BMF: variants seen among roughly 807,000 people sequenced by gnomAD.
BMF encodes Bcl2 modifying factor, also known as bcl-2-modifying factor.
BMF carries 10 observed loss-of-function variants against 22.0 expected under a neutral mutation model. That is an observed-to-expected ratio of 0.45 (90% CI 0.28 to 0.77). BMF has a LOEUF of 0.77. BMF is among the 30% of genes least tolerant of loss of function. The pLI is 0.13. For missense variants in BMF, 206 were observed against 226.8 expected, an observed-to-expected ratio of 0.91 and a Z score of 0.59; for synonymous variants, 87 against 88.1, an observed-to-expected ratio of 0.99 and a Z score of 0.07.
Position 40,105,973 on chromosome 15 carries a change from G to A in BMF, c.114C>T (p.Ser38=), listed in dbSNP as rs2036579725. The part of the protein sequence containing the change: ...SLLSADLFAQ[S]LLDCPLSRLQ... Reference sequence around the variant, plus strand: ...GTCGGCTGAGGGGGCAGTCCAGTAGGCTCTGGGCAAACAGGTCAGCAGAGA... The same window carrying A: ...GTCGGCTGAGGGGGCAGTCCAGTAGACTCTGGGCAAACAGGTCAGCAGAGA... Residue 38 remains serine, a synonymous_variant, in exon 3 of 5, where the codon AGC becomes AGT. Coordinates refer to ENST00000354670, the MANE Select transcript of BMF (RefSeq NM_001003940.2). The A allele has an allele frequency of 1.2e-6, 2 of 1,614,100 alleles. No individual in the cohort carries two copies. The highest frequency in any genetic ancestry group is 1.7e-6 in the Non-Finnish European group (2 of 1,180,028).
chr15:40,104,122 G>C, intron 4 of BMF, 58 bp downstream of exon 4: 1 of 1,598,742 alleles, frequency 6.3e-7, no homozygotes, highest in Non-Finnish European at 8.6e-7. Flanking sequence ...AGAGAGGCAG[G>C]CCCTGGCCCC....
chr15:40,095,274 A>T (rs1344135552), intron 4 of BMF, among the ~76,000 whole-genome samples: 1 of 152,214 alleles, frequency 6.6e-6, no homozygotes, highest in Non-Finnish European at 1.5e-5. Flanking sequence ...AATAAATAAA[A>T]TTTTTCCTAA....
At chr15:40,104,475 A>G (rs754360347) in intron 3 of BMF, 135 bp from the exon 4 acceptor site, 17 of 1,136,894 alleles carry the variant, frequency 1.5e-5, no homozygotes, top group African/African-American at 3.1e-5. Flanking sequence ...GCCTGCCTCT[A>G]TTGGAGCACT....
At chr15:40,095,905 A>G (rs2036349564) in intron 4 of BMF, among the ~76,000 whole-genome samples, 1 of 152,144 alleles carries the variant, frequency 6.6e-6, no homozygotes, top group African/African-American at 2.4e-5. Flanking sequence ...AAATGTTTCA[A>G]TCCCTACTGT....
intron 4 of BMF, among the ~76,000 whole-genome samples, chr15:40,103,729 C>G (rs1246859863): frequency 1.3e-5 from 2 of 152,224 alleles, no homozygotes; most frequent in Non-Finnish European, 2.9e-5. Flanking sequence ...ACCACTTTCC[C>G]CAACTCAGGC....
intron 2 of BMF, among the ~76,000 whole-genome samples, chr15:40,107,019 G>C (rs1380660245): frequency 6.6e-6 from 1 of 152,292 alleles, no homozygotes; most frequent in Non-Finnish European, 1.5e-5. Context: ...CTCACTCACT[G>C]CCTATACTGC....
At chr15:40,093,188 G>A (rs2036281013) in intron 4 of BMF, among the ~76,000 whole-genome samples, 1 of 152,190 alleles carries the variant, frequency 6.6e-6, no homozygotes. Context: ...CAGGTTGCTG[G>A]CTTCCCCTTC....
chr15:40,092,569 C>G (rs1453607447), intron 4 of BMF, among the ~76,000 whole-genome samples: 1 of 152,208 alleles, frequency 6.6e-6, no homozygotes. Context: ...TAAATAATCC[C>G]TCTTGGAGCG....
At chr15:40,098,432 T>C (rs893186014) in intron 4 of BMF, among the ~76,000 whole-genome samples, 4 of 149,942 alleles carry the variant, frequency 2.7e-5, no homozygotes, top group South Asian at 2.1e-4. Flanking sequence ...AAGGGCACAA[T>C]GGTGTGTGCC....
At chr15:40,100,790 G>A (rs1567034071) in intron 4 of BMF, among the ~76,000 whole-genome samples, 2 of 152,188 alleles carry the variant, frequency 1.3e-5, no homozygotes, top group African/African-American at 4.8e-5. Flanking sequence ...ACTCAATTGG[G>A]ATTTCATGGC....
rs915106619 is a variant in BMF at position 40,098,765 on chromosome 15, C to CA, written c.453+5414dup. The stretch of plus-strand genomic sequence containing the variant: ...TCCCCTCCTCCCATCACCCACTTTC[C>CA]AAAAAAAAAAGCCAATTTCCATCCC... On this transcript the variant is annotated intron_variant, in intron 4 of 4. Transcript: ENST00000354670. Among the ~76,000 whole-genome samples, 310 of 146,722 alleles carry CA rather than the reference C, an allele frequency of 2.1e-3. 2 individuals carry two copies. The highest frequency in any genetic ancestry group is 7.2e-3 in the African/African-American group (288 of 40,066).
In BMF at chr15:40,097,833, G is replaced by C. The variant is rs535733014; in HGVS notation, c.454-5945C>G. 2.6e-5 allele frequency among the ~76,000 whole-genome samples: 4 copies of C among 152,324 alleles called. No individual in the cohort carries two copies. The East Asian group carries it at 7.7e-4, about 29-fold the overall frequency. ...TATGCTCTGCAACAGGGCCGGCCTGGGGAGCACCATCTTCCCGGCAGACTC... is the reference window on the plus strand; with the variant it reads ...TATGCTCTGCAACAGGGCCGGCCTGCGGAGCACCATCTTCCCGGCAGACTC... On this transcript the variant is annotated intron_variant, in intron 4 of 4. Coordinates refer to ENST00000354670, the MANE Select transcript of BMF (RefSeq NM_001003940.2).
In BMF at chr15:40,087,898, A is replaced by G. The variant is rs1384770161; in HGVS notation, c.*3889T>C. 6.6e-6 allele frequency: 1 copy of G among 152,246 alleles called. No individual in the cohort carries two copies. The highest frequency in any genetic ancestry group is 2.4e-5 in the African/African-American group (1 of 41,464). The allele number at this position is 152,246 out of a possible 1,614,324, so 9.4% of individuals were successfully genotyped here. On this transcript the variant is annotated 3_prime_UTR_variant, in exon 5 of 5. Transcript: ENST00000354670. ...AAAAATAAAAGACCAGATTTGCTTT[A>G]AATGATTTTATTAAAAATTGTACCA...
intron 4 of BMF, among the ~76,000 whole-genome samples, chr15:40,093,383 G>C (rs375084342): frequency 1.3e-5 from 2 of 152,270 alleles, no homozygotes; most frequent in South Asian, 4.1e-4. Context: ...AAGGGAAATC[G>C]GGCGTGCCAC....
In BMF at chr15:40,090,214, T is replaced by C. The variant is rs1364434768; in HGVS notation, c.*1573A>G. ...TTGTGCAGTGAACAACCTGCACAACTGTACATCCAGAAGATCAATGTCTCC... is the reference window on the plus strand; with the variant it reads ...TTGTGCAGTGAACAACCTGCACAACCGTACATCCAGAAGATCAATGTCTCC... On this transcript the variant is annotated 3_prime_UTR_variant, in exon 5 of 5. Transcript: ENST00000354670. 5 of 152,664 alleles carry C rather than the reference T, an allele frequency of 3.3e-5. No individual in the cohort carries two copies. The highest frequency in any genetic ancestry group is 9.6e-5 in the African/African-American group (4 of 41,458). 9.5% of individuals were successfully genotyped at this position (152,664 alleles called of 1,614,324 possible).
rs545179296 is a variant in BMF, at chr15:40,105,465, C to G, written c.292+330G>C. On this transcript the variant is annotated intron_variant, in intron 3 of 4. Transcript: ENST00000354670. Reference sequence around the variant, plus strand: ...TGTCAACAGCCAGTCACAGATCCCCCAGACTTCTCCAGGGCAACAGGAGCC... The same window carrying G: ...TGTCAACAGCCAGTCACAGATCCCCGAGACTTCTCCAGGGCAACAGGAGCC... 8.4e-4 allele frequency among the ~76,000 whole-genome samples: 128 copies of G among 152,314 alleles called. 1 individual carries two copies. The highest frequency in any genetic ancestry group is 3.1e-3 in the African/African-American group (127 of 41,576).
At chr15:40,099,364 C>A (rs1183274135) in intron 4 of BMF, among the ~76,000 whole-genome samples, 1 of 152,194 alleles carries the variant, frequency 6.6e-6, no homozygotes, top group Admixed American at 6.5e-5. Flanking sequence ...CAGGTCCAAG[C>A]AAAATCCTAA....
At chr15:40,099,829 C>T (rs927486145) in intron 4 of BMF, among the ~76,000 whole-genome samples, 7 of 151,024 alleles carry the variant, frequency 4.6e-5, no homozygotes, top group Admixed American at 2.0e-4. Flanking sequence ...ATGATTTGCC[C>T]ACGAACACAT....
intron 4 of BMF, among the ~76,000 whole-genome samples, chr15:40,092,519 C>T (rs753077235): frequency 1.4e-4 from 21 of 152,196 alleles, no homozygotes; most frequent in African/African-American, 2.4e-4. Flanking sequence ...ATCTCCAGCT[C>T]GGTGCTGCCC....
Sources: allele counts gnomAD v4.1 joint callset (sites outside exome capture counted in the v4.1 genomes callset), GRCh38; gene constraint gnomAD v4.1.1; transcripts MANE v1.5; gene names NCBI Gene and HGNC (gene_info 2026-07-23, HGNC 2026-07-21).